The following CCDC47 variants were observed in gnomAD, a reference collection of about 807,000 sequenced individuals.
CCDC47 encodes the protein coiled-coil domain containing 47.
A neutral mutation model predicts 60.5 loss-of-function variants in CCDC47; 41 were observed. The ratio of observed to expected loss-of-function variants is 0.68; its 90% CI spans 0.53 to 0.88. CCDC47 has a LOEUF of 0.88. Ranked by LOEUF, CCDC47 falls within the 40% of genes least tolerant of loss-of-function variation. The probability of loss-of-function intolerance (pLI) is 0.00; values close to 1 mark genes in which losing one functional copy is unlikely to be tolerated. For missense variants in CCDC47, 513 were observed against 580.9 expected (o/e 0.88, Z 1.20); for synonymous variants, 195 against 190.7 (o/e 1.02, Z -0.18).
At chr17:63,767,902 C>T (rs2144497458) in intron 1 of CCDC47, among the ~76,000 whole-genome samples, 1 of 152,144 alleles carries the variant, frequency 6.6e-6, no homozygotes, top group African/African-American at 2.4e-5. Context: ...AATGTTTTGC[C>T]TTCTTTTTCC....
intron 10 of CCDC47, 131 bp from the exon 11 acceptor site, chr17:63,752,560 G>A: frequency 1.3e-6 from 1 of 750,174 alleles, no homozygotes; most frequent in Non-Finnish European, 2.0e-6. Flanking sequence ...AAATGCAGCA[G>A]AAAATATAAA....
rs1247090609 is a variant in CCDC47 at position 63,760,835 on chromosome 17, T to C, written c.735+79A>G. The C allele has an allele frequency of 3.7e-6, 3 of 813,900 alleles. No individual in the cohort carries two copies. The East Asian group carries it at 8.7e-5, about 24-fold the overall frequency. 50.4% of individuals were successfully genotyped at this position (813,900 alleles called of 1,614,324 possible). A position where few individuals can be genotyped will look rare whatever the true frequency, so the allele number is the denominator to read the frequency against. On this transcript the variant is annotated intron_variant, in intron 6 of 12. Coordinates refer to ENST00000225726, the MANE Select transcript of CCDC47 (RefSeq NM_020198.3). The stretch of plus-strand genomic sequence containing the variant: ...GCCTGAGCAACAGAGTGAGACTCCA[T>C]CAAAAAAAAAAAAAAAAAGAAAGAA...
At chr17:63,752,639 G>A in intron 10 of CCDC47, 102 bp downstream of exon 10, 1 of 1,236,222 alleles carries the variant, frequency 8.1e-7, no homozygotes, top group Non-Finnish European at 1.1e-6. Context: ...CAGGCTTATA[G>A]TTTTGACGTA....
At chr17:63,768,939 T>A (rs1178143707) in intron 1 of CCDC47, among the ~76,000 whole-genome samples, 1 of 151,852 alleles carries the variant, frequency 6.6e-6, no homozygotes, top group African/African-American at 2.4e-5. Context: ...TTTAAAAAAT[T>A]AGCCAGCGTG....
chr17:63,769,486 C>A (rs564001126), intron 1 of CCDC47, among the ~76,000 whole-genome samples: 2 of 150,554 alleles, frequency 1.3e-5, no homozygotes, highest in Admixed American at 1.3e-4. Flanking sequence ...TGGTGACAGG[C>A]GCCTGTAATC....
intron 9 of CCDC47, 72 bp downstream of exon 9, chr17:63,754,361 G>A (rs1047434903): frequency 1.1e-6 from 1 of 882,116 alleles, no homozygotes; most frequent in Non-Finnish European, 1.8e-6. Context: ...TATTGCAGAA[G>A]CACCTTACAG....
chr17:63,748,871 AGGTGTGGT>A, intron 12 of CCDC47, among the ~76,000 whole-genome samples: 1 of 151,998 alleles, frequency 6.6e-6, no homozygotes, highest in African/African-American at 2.4e-5. Context: ...AAAATTAGCC[AGGTGTGGT>A]GGCGGGCACC....
intron 1 of CCDC47, among the ~76,000 whole-genome samples, chr17:63,773,193 C>A (rs2039364937): frequency 6.6e-6 from 1 of 152,196 alleles, no homozygotes; most frequent in Non-Finnish European, 1.5e-5. Context: ...TTCTCCCCAC[C>A]CAAGAGAATC....
At chr17:63,747,804 A>G in intron 12 of CCDC47, 1 of 985,012 alleles carries the variant, frequency 1.0e-6, no homozygotes, top group Non-Finnish European at 1.2e-6. Context: ...ATTAGGTTTC[A>G]AAGGGTGATT....
At chr17:63,751,048 T>C (rs2039160014) in intron 12 of CCDC47, among the ~76,000 whole-genome samples, 1 of 151,662 alleles carries the variant, frequency 6.6e-6, no homozygotes, top group African/African-American at 2.4e-5. Context: ...CTAATTTTTT[T>C]TTTTTTTTAC....
At chr17:63,762,002 G>T in intron 4 of CCDC47, 1 of 863,136 alleles carries the variant, frequency 1.2e-6, no homozygotes, top group Non-Finnish European at 1.4e-6. Flanking sequence ...CTCCTATGGA[G>T]TGAATAAAAA....
rs769930428 is a variant in CCDC47 at position 63,746,556 on chromosome 17, C to T, written c.*325G>A. 18 of 201,330 alleles carry T rather than the reference C, an allele frequency of 8.9e-5. No homozygotes were observed. Among genetic ancestry groups the T allele is most frequent in the Non-Finnish European group, 1.1e-4 (11 of 99,030 alleles). The allele number at this position is 201,330 out of a possible 1,614,324, so 12.5% of individuals were successfully genotyped here. On this transcript the variant is annotated 3_prime_UTR_variant, in exon 13 of 13. Transcript: ENST00000225726. ...AAATTTCACGGTATTTCTTTAAACA[C>T]TGAAGTACTAAAAGCACTGATGATT...
At chr17:63,765,334 GT>G (rs1478009445) in intron 2 of CCDC47, among the ~76,000 whole-genome samples, 1 of 151,594 alleles carries the variant, frequency 6.6e-6, no homozygotes, top group East Asian at 1.9e-4. Context: ...TGATGACAAA[GT>G]TTTTTCTTTT....
chr17:63,769,498 C>T (rs1450331133), intron 1 of CCDC47, among the ~76,000 whole-genome samples: 2 of 150,966 alleles, frequency 1.3e-5, no homozygotes, highest in African/African-American at 2.4e-5. Context: ...CCTGTAATCC[C>T]AGCTACTTGG....
Position 63,746,909 on chromosome 17 carries a change from AT to A in CCDC47, c.1423del (p.Met475Ter). ...CATGGCTTTCACTTTGATTTGTTTCATTTTCATTTGCTTCTTTTCCAACTTC... is the reference window on the plus strand; with the variant it reads ...CATGGCTTTCACTTTGATTTGTTTCATTTCATTTGCTTCTTTTCCAACTTC... Reference protein sequence around the residue: ...QKKLEKKQMKMKQIKVKAM With the variant: ...QKKLEKKQMKXKQIKVKAM On this transcript the variant is annotated frameshift_variant, in exon 13 of 13. Coordinates refer to ENST00000225726, the MANE Select transcript of CCDC47 (RefSeq NM_020198.3). LOFTEE classifies it high-confidence loss of function. 6.2e-7 allele frequency: 1 copy of A among 1,613,754 alleles called. No individual in the cohort carries two copies. Among genetic ancestry groups the A allele is most frequent in the Non-Finnish European group, 8.5e-7 (1 of 1,179,840 alleles).
chr17:63,766,263 A>G, intron 1 of CCDC47, 69 bp from the exon 2 acceptor site: 1 of 1,376,726 alleles, frequency 7.3e-7, no homozygotes, highest in East Asian at 2.3e-5. Context: ...TATAAACAGT[A>G]AAAATCTATA....
At chr17:63,748,803 C>T (rs2039139682) in intron 12 of CCDC47, among the ~76,000 whole-genome samples, 1 of 151,750 alleles carries the variant, frequency 6.6e-6, no homozygotes, top group Admixed American at 6.6e-5. Context: ...CTTGAGAGAT[C>T]AGGAGTTCAA....
Position 63,760,935 on chromosome 17 carries a change from C to T in CCDC47, c.714G>A (p.Met238Ile), listed in dbSNP as rs576111714. Residue 238 changes from methionine (M) to isoleucine (I), a missense_variant, in exon 6 of 13, where the codon ATG becomes ATA. Met to Ile is a conservative substitution (Grantham distance 10). Coordinates refer to ENST00000225726, the MANE Select transcript of CCDC47 (RefSeq NM_020198.3). ...ATACCACTTGATCACTCACTGGCCT[C>T]ATCATCCGGGCCAGGACATTCAGTA... ...QDLLNVLARM[M>I]RPVSDQVQIK... The T allele has an allele frequency of 6.2e-7, 1 of 1,613,178 alleles. No homozygotes were observed. Among genetic ancestry groups the T allele is most frequent in the Admixed American group, 1.7e-5 (1 of 59,970 alleles).
chr17:63,764,224 C>T (rs1306957350), intron 3 of CCDC47, 34 bp from the exon 4 acceptor site: 2 of 1,504,640 alleles, frequency 1.3e-6, no homozygotes, highest in Admixed American at 2.1e-5. Flanking sequence ...TAAATGTTGG[C>T]TGAGACTGAA....
Sources: allele counts gnomAD v4.1 joint callset (sites outside exome capture counted in the v4.1 genomes callset), GRCh38; gene constraint gnomAD v4.1.1; transcripts MANE v1.5; gene names NCBI Gene and HGNC (gene_info 2026-07-23, HGNC 2026-07-21).